Variants in NLRC5 observed in about 807,000 individuals in gnomAD.
NLRC5 encodes the protein NLR family CARD domain containing 5, also known as protein NLRC5.
Under a neutral mutation model 206.9 loss-of-function variants are expected in NLRC5, and 114 were observed. That is an observed-to-expected ratio of 0.55 (90% CI 0.47 to 0.64). The LOEUF is 0.64. Ranked by LOEUF, NLRC5 falls within the 30% of genes least tolerant of loss-of-function variation. The pLI, the probability that NLRC5 is intolerant of heterozygous loss-of-function variation, is 0.00. For synonymous variants in NLRC5, 952 were observed against 962.8 expected (o/e 0.99, Z 0.21); for missense variants, 2,008 against 2,305.5 (o/e 0.87, Z 2.64).
chr16:57,052,239 G>A (rs541686601), intron 24 of NLRC5, among the ~76,000 whole-genome samples: 2 of 152,340 alleles, frequency 1.3e-5, no homozygotes, highest in South Asian at 2.1e-4. Flanking sequence ...TTGGGAGGCC[G>A]AGGCGGGCAG....
chr16:56,996,284 C>A (rs1306521275), intron 1 of NLRC5, among the ~76,000 whole-genome samples: 1 of 152,152 alleles, frequency 6.6e-6, no homozygotes, highest in East Asian at 1.9e-4. Context: ...CTCAATCGAT[C>A]CTCCTGCCTC....
intron 3 of NLRC5, 145 bp from the exon 4 acceptor site, chr16:57,022,111 C>A: frequency 1.6e-6 from 1 of 608,460 alleles, no homozygotes. Flanking sequence ...ATTTTCTCCA[C>A]AACAGATAAC....
In NLRC5 at chr16:57,028,385, G is replaced by C; in HGVS notation, c.2243G>C (p.Ser748Thr). Reference sequence around the variant, plus strand: ...CTCTGTCCACAGCTGAAAGAAGTCAGGTGAGTGATCTCCAGGAGGGCTCAC... The same window carrying C: ...CTCTGTCCACAGCTGAAAGAAGTCACGTGAGTGATCTCCAGGAGGGCTCAC... Reference protein sequence around the residue: ...LPLCPQLKEVSFRDNQLSDQV... With the variant: ...LPLCPQLKEVTFRDNQLSDQV... Residue 748 changes from serine (S) to threonine (T), a missense_variant and splice_region_variant, in exon 8 of 49, where the codon AGT becomes ACT. By Grantham distance (58) the Ser-to-Thr change is moderately conservative. Coordinates refer to ENST00000688547, the MANE Select transcript of NLRC5 (RefSeq NM_001384950.1). 1.2e-6 allele frequency: 2 copies of C among 1,613,502 alleles called. No homozygotes were observed. The highest frequency in any genetic ancestry group is 1.7e-6 in the Non-Finnish European group (2 of 1,179,406).
intron 2 of NLRC5, among the ~76,000 whole-genome samples, chr16:57,018,382 T>TGGGCACA (rs1426792455): frequency 1.3e-5 from 2 of 152,240 alleles, no homozygotes; most frequent in Non-Finnish European, 2.9e-5. Flanking sequence ...TGTGTGACTG[T>TGGGCACA]GGGCACACCC....
chr16:57,079,705 T>G (rs1283610958), intron 46 of NLRC5, 76 bp downstream of exon 46: 1 of 1,224,876 alleles, frequency 8.2e-7, no homozygotes, highest in Non-Finnish European at 1.2e-6. Context: ...GGCTCCAGCC[T>G]GCTGTGTGGC....
intron 1 of NLRC5, among the ~76,000 whole-genome samples, chr16:57,011,186 G>A (rs1291965073): frequency 1.3e-5 from 2 of 152,170 alleles, no homozygotes; most frequent in African/African-American, 4.8e-5. Context: ...GCCGAGGCAG[G>A]TGGATCACCT....
chr16:57,036,008 C>CT, intron 13 of NLRC5, 92 bp from the exon 14 acceptor site: 1 of 1,228,934 alleles, frequency 8.1e-7, no homozygotes, highest in Non-Finnish European at 1.2e-6. Flanking sequence ...GAGAGTGACA[C>CT]TTTGACTAAA....
At chr16:57,001,393 C>T (rs1382457116) in intron 1 of NLRC5, among the ~76,000 whole-genome samples, 2 of 152,162 alleles carry the variant, frequency 1.3e-5, no homozygotes, top group Non-Finnish European at 2.9e-5. Context: ...CTAATGGGAC[C>T]TCCTCCTTAA....
At chr16:57,061,999 G>T in intron 32 of NLRC5, 2 of 1,455,662 alleles carry the variant, frequency 1.4e-6, no homozygotes, top group South Asian at 2.4e-5. Context: ...CTGAAACGAA[G>T]TTCTTGTCTG....
chr16:57,061,047 G>C (rs1170041219), intron 30 of NLRC5, among the ~76,000 whole-genome samples: 7 of 152,224 alleles, frequency 4.6e-5, no homozygotes, highest in Non-Finnish European at 8.8e-5. Context: ...AGACTGACCT[G>C]GATGGAAACC....
At chr16:57,016,848 G>A (rs1014363035) in intron 1 of NLRC5, among the ~76,000 whole-genome samples, 1 of 152,176 alleles carries the variant, frequency 6.6e-6, no homozygotes, top group African/African-American at 2.4e-5. Context: ...GCCAGGTGTG[G>A]CAGGAGGTGA....
chr16:56,991,678 CTT>C (rs35559322), intron 1 of NLRC5, among the ~76,000 whole-genome samples: 13,424 of 105,662 alleles, frequency 0.13, 864 homozygotes, highest in African/African-American at 0.17. Flanking sequence ...GCCCGGACTC[CTT>C]TTTTTTTTTT....
chr16:57,033,180 C>G (rs930496519), intron 11 of NLRC5, among the ~76,000 whole-genome samples: 1 of 152,178 alleles, frequency 6.6e-6, no homozygotes, highest in Admixed American at 6.5e-5. Flanking sequence ...GACAGCACAT[C>G]CACAAATGGA....
In NLRC5 at chr16:57,081,196, G is replaced by A; in HGVS notation, c.5405+15G>A. 2 of 1,537,894 alleles carry A rather than the reference G, an allele frequency of 1.3e-6. No individual in the cohort carries two copies. The highest frequency in any genetic ancestry group is 1.7e-6 in the Non-Finnish European group (2 of 1,146,638). ...AAGAGAGTGGAGTATGAGGGGCCGG[G>A]GGAGGAATGGGACGGGCTAAAGGGG... On this transcript the variant is annotated intron_variant, in intron 47 of 48. Coordinates refer to ENST00000688547, the MANE Select transcript of NLRC5 (RefSeq NM_001384950.1).
At chr16:57,027,095 C>A (rs1435530927) in intron 6 of NLRC5, 77 bp downstream of exon 6, 2 of 1,498,382 alleles carry the variant, frequency 1.3e-6, no homozygotes, top group Non-Finnish European at 1.8e-6. Flanking sequence ...TAGCAAACCT[C>A]TGCCAAGAGG....
At chr16:57,045,348 A>G in intron 20 of NLRC5, 100 bp from the exon 21 acceptor site, 1 of 1,116,930 alleles carries the variant, frequency 9.0e-7, no homozygotes, top group Non-Finnish European at 1.4e-6. Context: ...AAAGCAGGCC[A>G]CCCCAGGCCC....
chr16:57,030,627 GAT>G, intron 10 of NLRC5, among the ~76,000 whole-genome samples: 1 of 60,940 alleles, frequency 1.6e-5, no homozygotes, highest in African/African-American at 5.4e-5. Flanking sequence ...TGGATGGATG[GAT>G]GGATGGATGG....
In NLRC5 at chr16:57,077,797, G is replaced by A; in HGVS notation, c.4998G>A (p.Glu1666=). The part of the protein sequence containing the change: ...ESLVLCRRLE[E]LMLGCNALGD... ...TCGTTCTTTGCAGGCGCCTGGAGGA[G>A]TTGATGTGAGTGTCTGCCCAGGTGG... Residue 1666 remains glutamate, a synonymous_variant, in exon 42 of 49, where the codon GAG becomes GAA. Coordinates refer to ENST00000688547, the MANE Select transcript of NLRC5 (RefSeq NM_001384950.1). 1 of 1,601,176 alleles carries A rather than the reference G, an allele frequency of 6.2e-7. No homozygotes were observed. The highest frequency in any genetic ancestry group is 2.2e-5 in the East Asian group (1 of 44,696).
intron 32 of NLRC5, among the ~76,000 whole-genome samples, chr16:57,064,473 C>T (rs1388549701): frequency 1.3e-5 from 2 of 152,112 alleles, no homozygotes; most frequent in Non-Finnish European, 2.9e-5. Flanking sequence ...ATATATTTTC[C>T]TATGTTTTCC....
Sources: gnomAD v4.1 joint callset for allele counts (sites outside exome capture counted in the v4.1 genomes callset) on GRCh38, gnomAD v4.1.1 for gene constraint, MANE v1.5 for transcripts, NCBI Gene and HGNC (gene_info 2026-07-23, HGNC 2026-07-21) for gene names.